Variants in GRM8 observed in about 807,000 individuals in gnomAD.
GRM8 encodes the protein glutamate metabotropic receptor 8.
GRM8 carries 47 observed loss-of-function variants against 87.2 expected under a neutral mutation model. The observed-to-expected ratio is 0.54, with a 90% CI of 0.43 to 0.69. The LOEUF (loss-of-function observed/expected upper bound fraction) is 0.69, where lower values mean the gene tolerates loss of function less well. GRM8 is among the 30% of genes least tolerant of loss of function. The pLI is 0.00. For synonymous variants in GRM8, 396 were observed against 404.5 expected, an observed-to-expected ratio of 0.98 and a Z score of 0.25; for missense variants, 1,019 against 1,139.2, an observed-to-expected ratio of 0.89 and a Z score of 1.52.
At chr7:126,890,500 T>C (rs983179114) in intron 6 of GRM8, among the ~76,000 whole-genome samples, 78 of 152,094 alleles carry the variant, frequency 5.1e-4, no homozygotes, top group African/African-American at 1.8e-3. Context: ...GTCACCTTTA[T>C]TCTGTTGCAC....
chr7:127,031,375 A>T (rs904351003), intron 3 of GRM8, among the ~76,000 whole-genome samples: 6 of 151,918 alleles, frequency 3.9e-5, no homozygotes, highest in Non-Finnish European at 5.9e-5. Context: ...CTATTTTTTT[A>T]AATTATTTAT....
chr7:126,677,193 A>G (rs2151321828), intron 7 of GRM8, among the ~76,000 whole-genome samples: 1 of 152,324 alleles, frequency 6.6e-6, no homozygotes, highest in East Asian at 1.9e-4. Flanking sequence ...TAAAAAATCA[A>G]AACACAATAG....
At chr7:126,477,066 GA>G (rs1273931152) in intron 9 of GRM8, among the ~76,000 whole-genome samples, 3 of 152,084 alleles carry the variant, frequency 2.0e-5, no homozygotes, top group African/African-American at 7.2e-5. Context: ...GCCTTAAAAA[GA>G]AAAGAAATTC....
intron 7 of GRM8, among the ~76,000 whole-genome samples, chr7:126,762,542 A>G (rs998028213): frequency 1.3e-5 from 2 of 152,168 alleles, no homozygotes; most frequent in African/African-American, 4.8e-5. Context: ...TAAGTATGGG[A>G]AAAACGTTAA....
At chr7:126,998,494 C>T (rs1813397548) in intron 3 of GRM8, among the ~76,000 whole-genome samples, 1 of 151,680 alleles carries the variant, frequency 6.6e-6, no homozygotes, top group Non-Finnish European at 1.5e-5. Flanking sequence ...TCCTTACTTG[C>T]AGATGGTATT....
intron 6 of GRM8, among the ~76,000 whole-genome samples, chr7:126,894,174 G>T (rs1801324632): frequency 6.6e-6 from 1 of 151,976 alleles, no homozygotes; most frequent in Admixed American, 6.6e-5. Flanking sequence ...TAATGAATTG[G>T]TTCCCTCAAC....
chr7:127,169,824 G>GTTTACAGCATGATTTACTGAAA (rs1793682917), intron 2 of GRM8, among the ~76,000 whole-genome samples: 1 of 152,150 alleles, frequency 6.6e-6, no homozygotes, highest in Non-Finnish European at 1.5e-5. Flanking sequence ...CAGAACATCT[G>GTTTACAGCATGATTTACTGAAA]TTTACAGCAT....
chr7:126,529,896 C>T (rs1330937225), intron 9 of GRM8, among the ~76,000 whole-genome samples: 2 of 152,174 alleles, frequency 1.3e-5, no homozygotes, highest in Admixed American at 1.3e-4. Context: ...CTTCACACCA[C>T]TTTTCTATAG....
chr7:126,518,638 A>T (rs532464321), intron 9 of GRM8, among the ~76,000 whole-genome samples: 1 of 152,156 alleles, frequency 6.6e-6, no homozygotes, highest in Non-Finnish European at 1.5e-5. Context: ...ATTAAGGTTT[A>T]TGAGACCAAT....
intron 9 of GRM8, among the ~76,000 whole-genome samples, chr7:126,519,100 G>A (rs1419205647): frequency 4.6e-5 from 7 of 152,000 alleles, no homozygotes; most frequent in African/African-American, 1.7e-4. Flanking sequence ...AAAACTAGTT[G>A]CAAAGCACTT....
intron 8 of GRM8, among the ~76,000 whole-genome samples, chr7:126,601,599 T>G (rs1370474522): frequency 6.7e-6 from 1 of 148,464 alleles, no homozygotes; most frequent in East Asian, 2.1e-4. Flanking sequence ...ACCTGTTGTT[T>G]CCTGACTTTT....
At chr7:126,953,797 AC>A (rs1227743525) in intron 3 of GRM8, among the ~76,000 whole-genome samples, 1 of 152,114 alleles carries the variant, frequency 6.6e-6, no homozygotes, top group Non-Finnish European at 1.5e-5. Flanking sequence ...GAAGAAAATG[AC>A]CCAATATTGA....
chr7:127,038,116 C>T (rs1007627604), intron 3 of GRM8, among the ~76,000 whole-genome samples: 3 of 152,022 alleles, frequency 2.0e-5, no homozygotes, highest in African/African-American at 7.3e-5. Flanking sequence ...TCAGTTGAGC[C>T]TCAAAATTTG....
At chr7:126,445,378 T>C (rs1401531566) in intron 10 of GRM8, 1 of 152,076 alleles carries the variant, frequency 6.6e-6, no homozygotes, top group East Asian at 1.9e-4. Flanking sequence ...AAGATGGGCT[T>C]CAATAGATCA....
chr7:126,682,817 G>A (rs1193711445), intron 7 of GRM8, among the ~76,000 whole-genome samples: 1 of 152,164 alleles, frequency 6.6e-6, no homozygotes, highest in African/African-American at 2.4e-5. Context: ...TTGGGAGGTC[G>A]AGGCAGGCGG....
chr7:127,182,632 G>GGTGT (rs35530710), intron 2 of GRM8, among the ~76,000 whole-genome samples: 3,243 of 141,742 alleles, frequency 0.023, 48 homozygotes, highest in East Asian at 0.039. Flanking sequence ...AAGAAAGTGT[G>GGTGT]GTGTGTGTGT....
At chr7:126,919,610 A>G (rs1228910542) in intron 3 of GRM8, among the ~76,000 whole-genome samples, 1 of 151,858 alleles carries the variant, frequency 6.6e-6, no homozygotes, top group Non-Finnish European at 1.5e-5. Context: ...GTCAGTTCAA[A>G]AAAAAAAAAT....
At chr7:126,958,644 T>A (rs1447219297) in intron 3 of GRM8, among the ~76,000 whole-genome samples, 1 of 152,066 alleles carries the variant, frequency 6.6e-6, no homozygotes, top group Non-Finnish European at 1.5e-5. Context: ...GAGCTCAGCC[T>A]ATCAGGACAA....
chr7:127,020,734 A>C (rs2237779), intron 3 of GRM8, among the ~76,000 whole-genome samples: 5,106 of 152,184 alleles, frequency 0.034, 195 homozygotes, highest in East Asian at 0.13. Flanking sequence ...GGGAAGAACC[A>C]TCATCACCTA....
Sources: allele counts gnomAD v4.1 joint callset (sites outside exome capture counted in the v4.1 genomes callset), GRCh38; gene constraint gnomAD v4.1.1; transcripts MANE v1.5; gene names NCBI Gene and HGNC (gene_info 2026-07-23, HGNC 2026-07-21).